SNRNP48: variants seen among roughly 807,000 people sequenced by gnomAD.
The protein encoded by SNRNP48 is U11/U12 small nuclear ribonucleoprotein 48 kDa protein.
In SNRNP48, 43 loss-of-function variants were observed where a neutral mutation model predicts 47.0. The ratio of observed to expected loss-of-function variants is 0.92; its 90% confidence interval spans 0.72 to 1.18. The LOEUF is 1.18. Among genes scored for constraint, SNRNP48 ranks in the 50% most tolerant of loss-of-function variants. SNRNP48 has a pLI of 0.00. For missense variants in SNRNP48, 396 were observed against 422.2 expected (o/e 0.94, Z 0.54); for synonymous variants, 138 against 144.0 (o/e 0.96, Z 0.30).
At chr6:7,593,249 A>G (rs560028101) in intron 1 of SNRNP48, among the ~76,000 whole-genome samples, 27 of 152,116 alleles carry the variant, frequency 1.8e-4, no homozygotes, top group African/African-American at 6.5e-4. Context: ...GATATTTAGG[A>G]TATTTAGAGG....
chr6:7,597,234 A>C (rs1229658250), intron 4 of SNRNP48, among the ~76,000 whole-genome samples: 2 of 152,206 alleles, frequency 1.3e-5, no homozygotes, highest in African/African-American at 4.8e-5. Flanking sequence ...TTTTGACACA[A>C]ACTCTGAACT....
intron 6 of SNRNP48, among the ~76,000 whole-genome samples, chr6:7,603,245 T>C (rs1203719464): frequency 6.6e-6 from 1 of 152,230 alleles, no homozygotes; most frequent in Non-Finnish European, 1.5e-5. Flanking sequence ...TTATGTACTC[T>C]AGTAAATATT....
At position 7,610,403 on chromosome 6, in the gene SNRNP48, C is replaced by G. The variant is rs1220105566; in HGVS notation, c.*1530C>G. 6.6e-6 allele frequency: 1 copy of G among 152,046 alleles called. No homozygotes were observed. The highest frequency in any genetic ancestry group is 2.4e-5 in the African/African-American group (1 of 41,396). The allele number at this position is 152,046 out of a possible 1,614,324, so 9.4% of individuals were successfully genotyped here. A position where few individuals can be genotyped will look rare whatever the true frequency, so the allele number is the denominator to read the frequency against. ...TACTTAATTTCTAAATATATAAAAT[C>G]CACATTTAAAAATTATAAAAGCAAG... On this transcript the variant is annotated 3_prime_UTR_variant, in exon 9 of 9. Coordinates refer to ENST00000342415, the MANE Select transcript of SNRNP48 (RefSeq NM_152551.4).
rs1006137239 is a variant in SNRNP48 at position 7,611,576 on chromosome 6, A to G, written c.*2703A>G. On this transcript the variant is annotated 3_prime_UTR_variant, in exon 9 of 9. Coordinates refer to ENST00000342415, the MANE Select transcript of SNRNP48 (RefSeq NM_152551.4). The stretch of plus-strand genomic sequence containing the variant: ...GCACTCAGAATTTTAAATTAAATCA[A>G]TGATCTTCAAGTATTTGCCACTTTC... The G allele has an allele frequency of 6.6e-6, 1 of 152,228 alleles. No homozygotes were observed. The highest frequency in any genetic ancestry group is 1.5e-5 in the Non-Finnish European group (1 of 68,044). The allele number at this position is 152,228 out of a possible 1,614,324, so 9.4% of individuals were successfully genotyped here.
rs575238524 is a variant in SNRNP48, at chr6:7,590,456, C to G, written c.156+43C>G. On this transcript the variant is annotated intron_variant, in intron 1 of 8. Coordinates refer to ENST00000342415, the MANE Select transcript of SNRNP48 (RefSeq NM_152551.4). ...GGGGCCCTTTCGGGGACTATCGGCC[C>G]GGGGTCTTCTCTGGAAGAAGGGAGA... is the stretch of plus-strand genomic sequence containing the variant. The G allele has an allele frequency of 1.7e-5, 22 of 1,267,892 alleles. No individual in the cohort carries two copies. In the African/African-American group the frequency reaches 2.8e-4, roughly 16 times the overall value. The allele number at this position is 1,267,892 out of a possible 1,614,324, so 78.5% of individuals were successfully genotyped here. A position where few individuals can be genotyped will look rare whatever the true frequency, so the allele number is the denominator to read the frequency against.
intron 7 of SNRNP48, 130 bp from the exon 8 acceptor site, chr6:7,605,901 T>A: frequency 1.0e-6 from 1 of 978,002 alleles, no homozygotes; most frequent in South Asian, 1.9e-5. Flanking sequence ...GGTTATAAGA[T>A]TGTGCATATT....
At position 7,602,757 on chromosome 6, in the gene SNRNP48, T is replaced by A. The variant is rs747486729; in HGVS notation, c.717+13T>A. The A allele has an allele frequency of 6.5e-7, 1 of 1,531,722 alleles. No individual in the cohort carries two copies. The highest frequency in any genetic ancestry group is 8.7e-7 in the Non-Finnish European group (1 of 1,144,060). 94.9% of individuals were successfully genotyped at this position (1,531,722 alleles called of 1,614,324 possible). On this transcript the variant is annotated intron_variant, in intron 6 of 8. Coordinates refer to ENST00000342415, the MANE Select transcript of SNRNP48 (RefSeq NM_152551.4). ...ATCATATACTGAGGTAAGTTTTACA[T>A]AATCTTTGTTGATAAGAATTTCCCT... is the stretch of plus-strand genomic sequence containing the variant.
Position 7,601,481 on chromosome 6 carries a change from T to C in SNRNP48, c.552T>C (p.Asn184=). 14 of 1,598,094 alleles carry C rather than the reference T, an allele frequency of 8.8e-6. No homozygotes were observed. Among genetic ancestry groups the C allele is most frequent in the Non-Finnish European group, 1.2e-5 (14 of 1,176,532 alleles). ...KKRSDSQIIE[N]DSDLFVDLAA... ...GCTCTGATTCTCAAATTATTGAAAA[T>C]GACAGCGATCTCTTTGTAGACTTGG... Residue 184 remains asparagine (N), a synonymous_variant, in exon 5 of 9, where the codon AAT becomes AAC. Coordinates refer to ENST00000342415, the MANE Select transcript of SNRNP48 (RefSeq NM_152551.4).
At chr6:7,591,882 G>T (rs991173194) in intron 1 of SNRNP48, among the ~76,000 whole-genome samples, 1 of 152,322 alleles carries the variant, frequency 6.6e-6, no homozygotes, top group Middle Eastern at 3.4e-3. Flanking sequence ...AGTCCTAGTT[G>T]TCATCTGTTC....
intron 7 of SNRNP48, 122 bp downstream of exon 7, chr6:7,605,608 T>C: frequency 1.1e-6 from 1 of 909,584 alleles, no homozygotes; most frequent in Non-Finnish European, 1.7e-6. Flanking sequence ...CTCGTGAAAA[T>C]GCTTTTTGTT....
intron 4 of SNRNP48, chr6:7,600,886 A>G (rs1760005764): frequency 6.6e-6 from 1 of 152,308 alleles, no homozygotes; most frequent in South Asian, 2.1e-4. Flanking sequence ...TTTTTTACAC[A>G]GTTTTTAATA....
chr6:7,603,345 C>T (rs1339094153), intron 6 of SNRNP48, among the ~76,000 whole-genome samples: 13 of 151,976 alleles, frequency 8.6e-5, no homozygotes, highest in South Asian at 2.1e-4. Flanking sequence ...TTTAATGGCT[C>T]GTTAGAGTTG....
chr6:7,591,965 A>C (rs923737797), intron 1 of SNRNP48, among the ~76,000 whole-genome samples: 14 of 151,998 alleles, frequency 9.2e-5, no homozygotes, highest in Non-Finnish European at 2.1e-4. Flanking sequence ...CCTAGTTGTC[A>C]CCTAGTTCCT....
At position 7,602,635 on chromosome 6, in the gene SNRNP48, A is replaced by G; in HGVS notation, c.608A>G (p.Lys203Arg). 1 of 1,593,086 alleles carries G rather than the reference A, an allele frequency of 6.3e-7. No homozygotes were observed. Residue 203 changes from lysine (K) to arginine (R), a missense_variant, in exon 6 of 9, where the codon AAA becomes AGA. Transcript: ENST00000342415. The stretch of plus-strand genomic sequence containing the variant: ...ATTCTTTCATTAGACAATAGTCGAA[A>G]AAGTCCAAAATCCTACCTTGAAATC... The part of the protein sequence containing the change: ...AAKINQDNSR[K>R]SPKSYLEILA...
intron 4 of SNRNP48, among the ~76,000 whole-genome samples, chr6:7,597,451 T>G (rs965121554): frequency 6.6e-6 from 1 of 152,228 alleles, no homozygotes; most frequent in Non-Finnish European, 1.5e-5. Context: ...GAAATAAAAG[T>G]AGCTGCTTGG....
intron 5 of SNRNP48, 43 bp from the exon 6 acceptor site, chr6:7,602,580 A>C: frequency 7.1e-7 from 1 of 1,417,576 alleles, no homozygotes; most frequent in Middle Eastern, 2.1e-4. Flanking sequence ...TAGAATTTAA[A>C]AGCTTTGAAG....
chr6:7,600,589 T>C (rs1759998183), intron 4 of SNRNP48: 1 of 152,216 alleles, frequency 6.6e-6, no homozygotes, highest in Non-Finnish European at 1.5e-5. Context: ...TAATACATCA[T>C]ATCAAGGTAT....
At position 7,590,231 on chromosome 6, in the gene SNRNP48, C is replaced by T. The variant is rs571796949; in HGVS notation, c.-27C>T. The T allele has an allele frequency of 1.5e-6, 2 of 1,294,648 alleles. No homozygotes were observed. Among genetic ancestry groups the T allele is most frequent in the Non-Finnish European group, 2.0e-6 (2 of 1,013,366 alleles). 80.2% of individuals were successfully genotyped at this position (1,294,648 alleles called of 1,614,324 possible). The stretch of plus-strand genomic sequence containing the variant: ...GCGCGTGCGGTCTGCAGTTCGGCCG[C>T]TTCCTCTTGGCGGGTGGGCTGCAGC... On this transcript the variant is annotated 5_prime_UTR_variant, in exon 1 of 9. Coordinates refer to ENST00000342415, the MANE Select transcript of SNRNP48 (RefSeq NM_152551.4).
At chr6:7,592,433 A>G (rs942755194) in intron 1 of SNRNP48, among the ~76,000 whole-genome samples, 6 of 151,350 alleles carry the variant, frequency 4.0e-5, no homozygotes, top group Non-Finnish European at 8.8e-5. Flanking sequence ...AAGCCAGGGC[A>G]TATTATAATC....
Sources: gnomAD v4.1 joint callset for allele counts (sites outside exome capture counted in the v4.1 genomes callset) on GRCh38, gnomAD v4.1.1 for gene constraint, MANE v1.5 for transcripts, NCBI Gene and HGNC (gene_info 2026-07-23, HGNC 2026-07-21) for gene names.